The following DIP2C variants were observed in gnomAD, a reference collection of about 807,000 sequenced individuals.
DIP2C encodes the protein disco-interacting protein 2 homolog C.
A neutral mutation model predicts 192.4 loss-of-function variants in DIP2C; 33 were observed. The observed-to-expected ratio is 0.17, with a 90% CI of 0.13 to 0.23. The LOEUF is 0.23. DIP2C is among the 10% of genes least tolerant of loss of function. The pLI, the probability that DIP2C is intolerant of heterozygous loss-of-function variation, is 1.00. For missense variants in DIP2C, 1,537 were observed against 2,110.1 expected, an observed-to-expected ratio of 0.73 and a Z score of 5.32; for synonymous variants, 979 against 864.1, an observed-to-expected ratio of 1.13 and a Z score of -2.33.
chr10:382,862 G>T, intron 16 of DIP2C, 101 bp from the exon 17 acceptor site: 1 of 720,118 alleles, frequency 1.4e-6, no homozygotes, highest in Non-Finnish European at 2.2e-6. Flanking sequence ...TCAGGCACAA[G>T]TGGATCTAGG....
chr10:485,842 G>C (rs1386756298), intron 2 of DIP2C, among the ~76,000 whole-genome samples: 2 of 152,204 alleles, frequency 1.3e-5, no homozygotes, highest in South Asian at 2.1e-4. Context: ...GGGCTGAATT[G>C]AGCTTGCCAG....
Position 390,733 on chromosome 10 carries a change from G to A in DIP2C, c.1384+7C>T, listed in dbSNP as rs752865625. 6 of 1,612,172 alleles carry A rather than the reference G, an allele frequency of 3.7e-6. No homozygotes were observed. In the South Asian group the frequency reaches 6.6e-5, roughly 18 times the overall value. ...GCATGCGAGCTCTCGGAGGCTCGGT[G>A]GCTTACCTTTAAACTGTGGGATCTC... On this transcript the variant is annotated splice_region_variant and intron_variant, in intron 11 of 36. Transcript: ENST00000280886.
At chr10:420,877 G>A (rs1229560260) in intron 5 of DIP2C, among the ~76,000 whole-genome samples, 1 of 152,134 alleles carries the variant, frequency 6.6e-6, no homozygotes, top group African/African-American at 2.4e-5. Context: ...GTCCCTTGCC[G>A]GAGGGATCGG....
chr10:445,719 A>G (rs1403774307), intron 3 of DIP2C, among the ~76,000 whole-genome samples: 2 of 149,938 alleles, frequency 1.3e-5, no homozygotes, highest in Non-Finnish European at 3.0e-5. Flanking sequence ...AGAGTCTCAC[A>G]GTCCACTGAG....
chr10:385,862 C>T (rs1003840331), intron 14 of DIP2C, among the ~76,000 whole-genome samples: 2 of 152,096 alleles, frequency 1.3e-5, no homozygotes, highest in African/African-American at 4.8e-5. Flanking sequence ...CAGATGAAAG[C>T]AAAAAAGCAT....
intron 1 of DIP2C, among the ~76,000 whole-genome samples, chr10:523,175 A>T (rs1164219725): frequency 6.7e-6 from 1 of 148,758 alleles, no homozygotes; most frequent in Non-Finnish European, 1.5e-5. Flanking sequence ...GTGAAGATGC[A>T]GGGACTCTGA....
chr10:633,953 T>C (rs1854681758), intron 1 of DIP2C, among the ~76,000 whole-genome samples: 1 of 152,218 alleles, frequency 6.6e-6, no homozygotes, highest in South Asian at 2.1e-4. Context: ...GCTTCTCTCT[T>C]TTATTCTCAA....
chr10:341,454 G>C (rs924657556), intron 28 of DIP2C, 125 bp from the exon 29 acceptor site: 1 of 1,367,584 alleles, frequency 7.3e-7, no homozygotes, highest in Non-Finnish European at 1.0e-6. Flanking sequence ...TCAGACACCC[G>C]GGACAATACG....
At chr10:614,560 CCTG>C (rs774469831) in intron 1 of DIP2C, among the ~76,000 whole-genome samples, 3 of 152,224 alleles carry the variant, frequency 2.0e-5, no homozygotes, top group Admixed American at 6.5e-5. Context: ...AAGAGAACTG[CCTG>C]CTGAACTGGA....
intron 32 of DIP2C, among the ~76,000 whole-genome samples, chr10:298,250 G>A (rs777775814): frequency 3.0e-4 from 45 of 152,184 alleles, no homozygotes; most frequent in Non-Finnish European, 6.0e-4. Context: ...ACGGTTTTGA[G>A]GGGACTGGTG....
At chr10:393,778 C>CAAAAAAAAAAAAAA (rs34390976) in intron 10 of DIP2C, among the ~76,000 whole-genome samples, 1 of 66,570 alleles carries the variant, frequency 1.5e-5, no homozygotes, top group African/African-American at 6.3e-5. Flanking sequence ...GACTCCGTCT[C>CAAAAAAAAAAAAAA]AAAAAAAAAA....
intron 2 of DIP2C, among the ~76,000 whole-genome samples, chr10:484,587 GGC>G (rs1843857436): frequency 1.3e-5 from 2 of 152,198 alleles, no homozygotes; most frequent in African/African-American, 4.8e-5. Context: ...CGCAGAACTG[GGC>G]CCTGATTCAC....
intron 1 of DIP2C, among the ~76,000 whole-genome samples, chr10:528,571 C>T (rs1847193318): frequency 6.6e-6 from 1 of 152,200 alleles, no homozygotes; most frequent in Non-Finnish European, 1.5e-5. Context: ...ATCACACAAC[C>T]ATCTTGGACT....
intron 3 of DIP2C, among the ~76,000 whole-genome samples, chr10:458,765 C>A (rs1969513026): frequency 6.8e-6 from 1 of 146,010 alleles, no homozygotes; most frequent in Admixed American, 6.8e-5. Flanking sequence ...CAGCACATGG[C>A]AGAGTGCTCG....
chr10:335,484 G>C (rs1200096485), intron 29 of DIP2C, among the ~76,000 whole-genome samples: 1 of 152,232 alleles, frequency 6.6e-6, no homozygotes, highest in Non-Finnish European at 1.5e-5. Context: ...CAGGCACACT[G>C]CAAGAAAGTG....
intron 1 of DIP2C, chr10:668,039 TCA>T (rs1412662307): frequency 1.3e-5 from 2 of 148,314 alleles, no homozygotes; most frequent in Admixed American, 6.7e-5. Flanking sequence ...CACATGCAAC[TCA>T]CAACACAACA....
chr10:422,866 C>G lies in DIP2C; in HGVS notation c.562G>C (p.Ala188Pro). 1 of 1,612,990 alleles carries G rather than the reference C, an allele frequency of 6.2e-7. No homozygotes were observed. The highest frequency in any genetic ancestry group is 8.5e-7 in the Non-Finnish European group (1 of 1,179,948). ...ATGACGTCCGCCAGCCTGTGGGCAG[C>G]CCCGCTGCCCCCGCTCTGCGTAGAG... The part of the protein sequence containing the change: ...SSSTQSGGSG[A>P]AHRLADVMAQ... Residue 188 changes from alanine (A) to proline (P), a missense_variant, in exon 5 of 37, where the codon GCT becomes CCT. This residue lies in a region of DIP2C where 473 missense variants were observed against 539.6 expected (regional missense o/e 0.88). Transcript: ENST00000280886.
At chr10:582,557 T>C (rs566394189) in intron 1 of DIP2C, among the ~76,000 whole-genome samples, 2 of 152,318 alleles carry the variant, frequency 1.3e-5, no homozygotes, top group South Asian at 4.2e-4. Context: ...CATGCCAGCC[T>C]GGGTGACAGA....
intron 4 of DIP2C, among the ~76,000 whole-genome samples, chr10:431,436 A>C (rs897347540): frequency 1.3e-5 from 2 of 152,176 alleles, no homozygotes. Flanking sequence ...GGGGAGTGCT[A>C]CTGGAAATTT....
Sources: allele counts gnomAD v4.1 joint callset (sites outside exome capture counted in the v4.1 genomes callset), GRCh38; gene constraint gnomAD v4.1.1; regional missense constraint gnomAD v4.1.1; transcripts MANE v1.5; gene names NCBI Gene and HGNC (gene_info 2026-07-23, HGNC 2026-07-21).